NDUFB2: variants seen among roughly 807,000 people sequenced by gnomAD.
NDUFB2 encodes the protein NADH:ubiquinone oxidoreductase subunit B2, also known as NADH dehydrogenase [ubiquinone] 1 beta subcomplex subunit 2, mitochondrial.
Under a neutral mutation model 13.4 loss-of-function variants are expected in NDUFB2, and 13 were observed. The ratio of observed to expected loss-of-function variants is 0.97; its 90% CI spans 0.63 to 1.54. The LOEUF is 1.54. Ranked by LOEUF, NDUFB2 falls within the 40% of genes most tolerant of loss-of-function variation. The pLI, the probability that NDUFB2 is intolerant of heterozygous loss-of-function variation, is 0.00. For missense variants in NDUFB2, 150 were observed against 139.7 expected, an observed-to-expected ratio of 1.07 and a Z score of -0.37; for synonymous variants, 47 against 50.6, an observed-to-expected ratio of 0.93 and a Z score of 0.30.
intron 3 of NDUFB2, chr7:140,705,197 T>A (rs1423256988): frequency 7.3e-5 from 20 of 272,272 alleles, no homozygotes; most frequent in Non-Finnish European, 1.4e-4. Context: ...CCTTCCAGGT[T>A]CAAGTGATTC....
chr7:140,704,762 G>GTTTT, intron 2 of NDUFB2, 98 bp from the exon 3 acceptor site: 5 of 633,324 alleles, frequency 7.9e-6, no homozygotes, highest in Non-Finnish European at 9.7e-6. Context: ...GAGCCATATT[G>GTTTT]TTTTTTTTTT....
At chr7:140,703,061 T>A (rs778966016) in intron 2 of NDUFB2, 51 bp downstream of exon 2, 1 of 1,599,660 alleles carries the variant, frequency 6.3e-7, no homozygotes, top group South Asian at 1.1e-5. Flanking sequence ...GGAGGGAGGA[T>A]GTATTAATAG....
intron 1 of NDUFB2, chr7:140,697,390 G>A (rs1170958604): frequency 5.7e-6 from 4 of 702,752 alleles, no homozygotes; most frequent in African/African-American, 1.7e-5. Context: ...GAGCGCCGTC[G>A]GGTGAGAGGA....
In NDUFB2 at chr7:140,696,761, G is replaced by C. The variant is rs200087759; in HGVS notation, c.17G>C (p.Arg6Pro). Residue 6 changes from arginine (R) to proline (P), a missense_variant, in exon 1 of 4, where the codon CGG becomes CCG. Transcript: ENST00000247866. MSALT[R>P]LASFARVGGR... is the part of the protein sequence containing the mutation. ...GGAGCGAGTATGTCCGCTCTGACTC[G>C]GCTGGCGTCTTTCGCTCGCGTTGGA... 5.0e-6 allele frequency: 8 copies of C among 1,601,306 alleles called. No homozygotes were observed. In the Admixed American group the frequency reaches 1.2e-4, roughly 24 times the overall value.
intron 1 of NDUFB2, chr7:140,697,959 C>G (rs1794840229): frequency 7.8e-7 from 1 of 1,277,540 alleles, no homozygotes; most frequent in Non-Finnish European, 1.0e-6. Context: ...CTCGGCCTCC[C>G]AAAGTGTTGG....
chr7:140,697,667 G>T (rs1794833799), intron 1 of NDUFB2, among the ~76,000 whole-genome samples: 1 of 152,188 alleles, frequency 6.6e-6, no homozygotes. Flanking sequence ...GTGTGGGGTC[G>T]TGATTCCAAG....
chr7:140,704,055 A>G (rs913562255), intron 2 of NDUFB2, among the ~76,000 whole-genome samples: 2 of 152,110 alleles, frequency 1.3e-5, no homozygotes, highest in African/African-American at 4.8e-5. Context: ...GCGCCCGGCC[A>G]GTTTTAGTGA....
intron 3 of NDUFB2, chr7:140,705,749 A>T (rs936808206): frequency 6.6e-6 from 1 of 152,242 alleles, no homozygotes; most frequent in East Asian, 1.9e-4. Context: ...GGACAGATGG[A>T]GCTTACAGTA....
intron 2 of NDUFB2, among the ~76,000 whole-genome samples, chr7:140,704,505 A>G (rs987893795): frequency 4.6e-5 from 7 of 152,204 alleles, no homozygotes; most frequent in African/African-American, 1.7e-4. Flanking sequence ...ATTTCACAGC[A>G]GTAATGTTAG....
rs149387353 is a variant in NDUFB2, at chr7:140,696,805, G to C, written c.61G>C (p.Gly21Arg). 1.5e-4 allele frequency: 234 copies of C among 1,609,104 alleles called. No individual in the cohort carries two copies. Among genetic ancestry groups the C allele is most frequent in the Middle Eastern group, 5.0e-4 (3 of 5,976 alleles). The change falls in exon 1 of 4, where the codon GGC becomes CGC. Residue 21 changes from glycine (G) to arginine (R), a missense_variant. Physicochemically the swap from Gly to Arg is moderately radical, Grantham distance 125. Transcript: ENST00000247866. The part of the protein sequence containing the change: ...ARVGGRLFRS[G>R]CARTAGDGGV... ...CGTTGGAGGCCGCCTTTTCAGAAGCGGCTGCGCACGGACTGCTGGAGATGG... is the reference window on the plus strand; with the variant it reads ...CGTTGGAGGCCGCCTTTTCAGAAGCCGCTGCGCACGGACTGCTGGAGATGG...
chr7:140,698,069 AT>A (rs1422054816), intron 1 of NDUFB2: 2 of 1,323,098 alleles, frequency 1.5e-6, no homozygotes, highest in Non-Finnish European at 2.0e-6. Flanking sequence ...TGTTGTTGTT[AT>A]TAAGGAACTG....
In NDUFB2 at chr7:140,702,946, T is replaced by A. The variant is rs1453650589; in HGVS notation, c.179T>A (p.Phe60Tyr). 1 of 1,613,902 alleles carries A rather than the reference T, an allele frequency of 6.2e-7. No individual in the cohort carries two copies. The highest frequency in any genetic ancestry group is 2.2e-5 in the East Asian group (1 of 44,882). ...LTRSQVFQSEFFSGLMWFWIL... is the reference protein window; with the variant it reads ...LTRSQVFQSEYFSGLMWFWIL... ...AGATCCCAGGTGTTCCAGAGCGAGTTCTTCAGCGGACTCATGTGGTTCTGG... is the reference window on the plus strand; with the variant it reads ...AGATCCCAGGTGTTCCAGAGCGAGTACTTCAGCGGACTCATGTGGTTCTGG... The change falls in exon 2 of 4, where the codon TTC becomes TAC. Residue 60 changes from phenylalanine to tyrosine, a missense_variant. Transcript: ENST00000247866.
rs755466080 is a variant in NDUFB2 at position 140,702,891 on chromosome 7, C to A, written c.124C>A (p.Pro42Thr). 6.2e-7 allele frequency: 1 copy of A among 1,613,960 alleles called. No homozygotes were observed. Among genetic ancestry groups the A allele is most frequent in the Non-Finnish European group, 8.5e-7 (1 of 1,180,002 alleles). ...RHAGGGVHIE[P>T]RYRQFPQLTR... Reference sequence around the variant, plus strand: ...TGCCGGTGGTGGTGTGCACATTGAGCCCCGGTATAGACAGTTCCCCCAGCT... The same window carrying A: ...TGCCGGTGGTGGTGTGCACATTGAGACCCGGTATAGACAGTTCCCCCAGCT... The change falls in exon 2 of 4, where the codon CCC becomes ACC. Residue 42 changes from proline (P) to threonine (T), a missense_variant. By Grantham distance (38) the Pro-to-Thr change is conservative (BLOSUM62 -1). Transcript: ENST00000247866.
At chr7:140,705,014 A>G (rs1262778649) in intron 3 of NDUFB2, 51 bp downstream of exon 3, 1 of 1,047,512 alleles carries the variant, frequency 9.5e-7, no homozygotes, top group South Asian at 2.0e-5. Flanking sequence ...TTTCATAAAC[A>G]TTAGTTTTTA....
chr7:140,697,256 G>A lies in NDUFB2; in HGVS notation c.98+414G>A, dbSNP rs540392921. The A allele has an allele frequency of 5.7e-6, 4 of 698,568 alleles. No homozygotes were observed. The African/African-American group carries it at 7.0e-5, about 12-fold the overall frequency. 43.3% of individuals were successfully genotyped at this position (698,568 alleles called of 1,614,324 possible). On this transcript the variant is annotated intron_variant, in intron 1 of 3. Transcript: ENST00000247866. Reference sequence around the variant, plus strand: ...AGGGAGGGCGCGGTCCAGGGTCCCGGTGCCTGGCTGCGGAATTTAGGGTAG... The same window carrying A: ...AGGGAGGGCGCGGTCCAGGGTCCCGATGCCTGGCTGCGGAATTTAGGGTAG...
intron 1 of NDUFB2, chr7:140,697,951 C>G (rs1308950882): frequency 6.4e-6 from 8 of 1,257,804 alleles, no homozygotes; most frequent in Non-Finnish European, 8.3e-6. Flanking sequence ...TCTCCAGCCT[C>G]GGCCTCCCAA....
At chr7:140,702,819 G>A (rs764161696) in intron 1 of NDUFB2, 47 bp from the exon 2 acceptor site, 21 of 1,608,034 alleles carry the variant, frequency 1.3e-5, no homozygotes, top group Admixed American at 6.7e-5. Flanking sequence ...ATGACTTAAC[G>A]CTTTGAGAAT....
intron 1 of NDUFB2, among the ~76,000 whole-genome samples, chr7:140,699,729 C>G (rs1461403659): frequency 6.6e-6 from 1 of 151,438 alleles, no homozygotes; most frequent in African/African-American, 2.4e-5. Flanking sequence ...GCTTCCAGGC[C>G]TTGTTTTTAC....
intron 1 of NDUFB2, chr7:140,702,006 G>T (rs1405723529): frequency 4.4e-5 from 31 of 700,696 alleles, no homozygotes; most frequent in Non-Finnish European, 7.3e-5. Flanking sequence ...TACTGTTCAC[G>T]AATCTGTGCA....
Sources: gnomAD v4.1 joint callset for allele counts (sites outside exome capture counted in the v4.1 genomes callset) on GRCh38, gnomAD v4.1.1 for gene constraint, MANE v1.5 for transcripts, NCBI Gene and HGNC (gene_info 2026-07-23, HGNC 2026-07-21) for gene names.